Variants in PCBP3 observed in about 807,000 individuals in gnomAD.
PCBP3 encodes poly(rC)-binding protein 3.
A neutral mutation model predicts 52.7 loss-of-function variants in PCBP3; 25 were observed. The ratio of observed to expected loss-of-function variants is 0.47; its 90% CI spans 0.35 to 0.66. The LOEUF (loss-of-function observed/expected upper bound fraction) is 0.66. PCBP3 is among the 30% of genes least tolerant of loss of function. The pLI, the probability that PCBP3 is intolerant of heterozygous loss-of-function variation, is 0.01. For synonymous variants in PCBP3, 162 were observed against 183.0 expected (o/e 0.89, Z 0.93); for missense variants, 391 against 490.3 (o/e 0.80, Z 1.91).
At chr21:45,773,165 G>A (rs776282515) in intron 4 of PCBP3, among the ~76,000 whole-genome samples, 8 of 152,002 alleles carry the variant, frequency 5.3e-5, no homozygotes, top group Admixed American at 1.3e-4. Flanking sequence ...ACCAATGTCC[G>A]GGAGAGTTTT....
intron 3 of PCBP3, chr21:45,750,888 G>T (rs1169904788): frequency 1.3e-5 from 2 of 151,816 alleles, no homozygotes; most frequent in Non-Finnish European, 2.9e-5. Flanking sequence ...GTGTGTGTGT[G>T]TGTGTGTGTA....
intron 1 of PCBP3, among the ~76,000 whole-genome samples, chr21:45,653,910 T>A (rs1246567705): frequency 6.6e-6 from 1 of 152,144 alleles, no homozygotes; most frequent in East Asian, 1.9e-4. Flanking sequence ...TTTTGTTCTT[T>A]TAGTGGTTAT....
intron 2 of PCBP3, among the ~76,000 whole-genome samples, chr21:45,718,542 T>C (rs1407876798): frequency 1.3e-5 from 2 of 152,054 alleles, no homozygotes; most frequent in Non-Finnish European, 2.9e-5. Flanking sequence ...ATTGCTGGGC[T>C]CTTGGTTTTC....
In PCBP3 at chr21:45,821,012, G is replaced by A. The variant is rs985330490; in HGVS notation, c.-125-28949G>A. On this transcript the variant is annotated intron_variant, in intron 4 of 17. Coordinates refer to ENST00000681687, the MANE Select transcript of PCBP3 (RefSeq NM_001384156.1). The surrounding 1 kb of genome is among the most constrained non-coding windows in gnomAD (Gnocchi z 4.4). ...GTTCTGAGAGGAGACCCGGCCCCTC[G>A]TCCTTGTCCATCCATGTGGCTTCTG... is the stretch of plus-strand genomic sequence containing the variant. 2.0e-5 allele frequency among the ~76,000 whole-genome samples: 3 copies of A among 152,082 alleles called. No homozygotes were observed. The highest frequency in any genetic ancestry group is 1.9e-4 in the East Asian group (1 of 5,160).
intron 4 of PCBP3, among the ~76,000 whole-genome samples, chr21:45,793,805 A>C (rs1250525377): frequency 6.6e-6 from 1 of 152,230 alleles, no homozygotes; most frequent in East Asian, 1.9e-4. Context: ...AATGATTTCA[A>C]ACCTGGAATT....
At chr21:45,689,770 A>G (rs2147759551) in intron 2 of PCBP3, among the ~76,000 whole-genome samples, 1 of 152,246 alleles carries the variant, frequency 6.6e-6, no homozygotes, top group Non-Finnish European at 1.5e-5. Context: ...ACTGCCATTT[A>G]TAATAGTACC....
At chr21:45,838,466 G>C (rs1006569979) in intron 4 of PCBP3, among the ~76,000 whole-genome samples, 1 of 152,182 alleles carries the variant, frequency 6.6e-6, no homozygotes, top group African/African-American at 2.4e-5. Context: ...TATTAGGAGT[G>C]CTTATTGCAA....
At position 45,764,392 on chromosome 21, in the gene PCBP3, G is replaced by A. The variant is rs866757292; in HGVS notation, c.-126+8940G>A. Among the ~76,000 whole-genome samples the A allele has an allele frequency of 2.6e-5, 4 of 152,228 alleles. No homozygotes were observed. In the South Asian group the frequency reaches 8.3e-4, roughly 32 times the overall value. The stretch of plus-strand genomic sequence containing the variant: ...CCGCCTCCGCCTCCCAAAGTGCTGG[G>A]ATTACAGGCGTGAGCCACCGTGGTC... On this transcript the variant is annotated intron_variant, in intron 4 of 17. Transcript: ENST00000681687.
chr21:45,798,777 A>G (rs980065157), intron 4 of PCBP3, among the ~76,000 whole-genome samples: 4 of 151,926 alleles, frequency 2.6e-5, no homozygotes, highest in African/African-American at 9.7e-5. Context: ...ACATGGATGA[A>G]TGCATGGATC....
chr21:45,820,031 C>T (rs2093083322), intron 4 of PCBP3, among the ~76,000 whole-genome samples: 1 of 152,252 alleles, frequency 6.6e-6, no homozygotes, highest in South Asian at 2.1e-4. Context: ...AATGTTTGCT[C>T]TACACCGCAG....
chr21:45,865,440 A>G (rs1034196071), intron 5 of PCBP3, among the ~76,000 whole-genome samples: 1 of 152,226 alleles, frequency 6.6e-6, no homozygotes, highest in African/African-American at 2.4e-5. Flanking sequence ...AGTGGAAGAT[A>G]TCGCTGTTCC....
intron 13 of PCBP3, among the ~76,000 whole-genome samples, chr21:45,926,895 A>G (rs928374382): frequency 6.6e-6 from 1 of 152,238 alleles, no homozygotes; most frequent in East Asian, 1.9e-4. Flanking sequence ...ACTGTTTCTC[A>G]TAAGACACCA....
At chr21:45,823,428 G>A (rs932651573) in intron 4 of PCBP3, among the ~76,000 whole-genome samples, 3 of 152,200 alleles carry the variant, frequency 2.0e-5, no homozygotes, top group African/African-American at 7.2e-5. Context: ...AGTGGAAAGT[G>A]CAGCCATTTA....
chr21:45,673,055 C>G (rs1461078619), intron 2 of PCBP3, among the ~76,000 whole-genome samples: 1 of 152,184 alleles, frequency 6.6e-6, no homozygotes, highest in African/African-American at 2.4e-5. Flanking sequence ...ATGACATGCA[C>G]TGTATAAAAT....
intron 5 of PCBP3, among the ~76,000 whole-genome samples, chr21:45,868,362 G>T (rs1228071088): frequency 1.3e-5 from 2 of 151,136 alleles, no homozygotes; most frequent in African/African-American, 4.9e-5. Flanking sequence ...CTGCGCCGCC[G>T]AATCTCAGCC....
At chr21:45,790,865 G>T (rs978254108) in intron 4 of PCBP3, among the ~76,000 whole-genome samples, 1 of 152,184 alleles carries the variant, frequency 6.6e-6, no homozygotes, top group Non-Finnish European at 1.5e-5. Context: ...CAGCAGAGGG[G>T]CTGGGGCAGC....
chr21:45,897,180 G>A (rs746197934), intron 6 of PCBP3, among the ~76,000 whole-genome samples: 9 of 152,316 alleles, frequency 5.9e-5, no homozygotes, highest in Middle Eastern at 6.8e-3. Flanking sequence ...TATCTTCTGC[G>A]TGTTTCCTAC....
chr21:45,775,681 A>T (rs1395291775), intron 4 of PCBP3, among the ~76,000 whole-genome samples: 1 of 152,128 alleles, frequency 6.6e-6, no homozygotes, highest in Non-Finnish European at 1.5e-5. Flanking sequence ...GCAGCTCTCA[A>T]AGTGCTGGGA....
In PCBP3 at chr21:45,704,387, G is replaced by A. The variant is rs1164360412; in HGVS notation, c.-199-31005G>A. ...TGGTTGGTGGGGGAACTGGGAACAA[G>A]AGCAGGAAGTTTTAAAATGCAGGAC... On this transcript the variant is annotated intron_variant, in intron 2 of 17. Transcript: ENST00000681687. The surrounding 1 kb of genome is among the most constrained non-coding windows in gnomAD (Gnocchi z 4.1). 6.6e-6 allele frequency among the ~76,000 whole-genome samples: 1 copy of A among 152,192 alleles called. No homozygotes were observed. The highest frequency in any genetic ancestry group is 1.5e-5 in the Non-Finnish European group (1 of 68,030).
Sources: gnomAD v4.1 joint callset for allele counts (sites outside exome capture counted in the v4.1 genomes callset) on GRCh38, gnomAD v4.1.1 for gene constraint, Gnocchi (gnomAD v3.1) non-coding constraint, MANE v1.5 for transcripts, NCBI Gene and HGNC (gene_info 2026-07-23, HGNC 2026-07-21) for gene names.